The following PHF21A variants were observed in gnomAD, a reference collection of about 807,000 sequenced individuals.
The protein encoded by PHF21A is PHD finger protein 21A.
A neutral mutation model predicts 82.5 loss-of-function variants in PHF21A; 11 were observed. The ratio of observed to expected loss-of-function variants is 0.13; its 90% confidence interval spans 0.08 to 0.22. PHF21A has a LOEUF of 0.22. Ranked by LOEUF, PHF21A falls within the 10% of genes least tolerant of loss-of-function variation. PHF21A has a pLI of 1.00. For missense variants in PHF21A, 579 were observed against 837.8 expected, an observed-to-expected ratio of 0.69 and a Z score of 3.81; for synonymous variants, 297 against 302.8, an observed-to-expected ratio of 0.98 and a Z score of 0.20.
intron 6 of PHF21A, among the ~76,000 whole-genome samples, chr11:46,023,835 A>G (rs1037054523): frequency 6.6e-6 from 1 of 152,172 alleles, no homozygotes; most frequent in African/African-American, 2.4e-5. Flanking sequence ...GGGTGCCTAT[A>G]ATCCCAGCTA....
chr11:46,022,229 G>C (rs1443057534), intron 6 of PHF21A, among the ~76,000 whole-genome samples: 1 of 152,026 alleles, frequency 6.6e-6, no homozygotes, highest in African/African-American at 2.4e-5. Flanking sequence ...AAGGTGGGAG[G>C]ACCACTTGAG....
chr11:46,065,120 TCCC>T (rs2096579440), intron 6 of PHF21A, among the ~76,000 whole-genome samples: 1 of 152,176 alleles, frequency 6.6e-6, no homozygotes, highest in Admixed American at 6.5e-5. Context: ...CCCTTTCTCT[TCCC>T]TGATAACAAA....
chr11:45,952,633 T>G (rs894229559), intron 11 of PHF21A, among the ~76,000 whole-genome samples: 3 of 152,246 alleles, frequency 2.0e-5, no homozygotes. Context: ...AAAAATTCAT[T>G]CATTTCATAT....
At chr11:46,100,774 C>T (rs2135721710) in intron 1 of PHF21A, among the ~76,000 whole-genome samples, 1 of 152,240 alleles carries the variant, frequency 6.6e-6, no homozygotes, top group Admixed American at 6.5e-5. Flanking sequence ...CTACCATTAC[C>T]TTGTAGTGAC....
chr11:45,970,582 A>ATT (rs66611953), intron 8 of PHF21A: 353 of 149,278 alleles, frequency 2.4e-3, no homozygotes, highest in East Asian at 5.1e-3. Context: ...CCTTAAAGGG[A>ATT]TTTTTTTTTT....
At position 45,979,770 on chromosome 11, in the gene PHF21A, G is replaced by C. The variant is rs1335491565; in HGVS notation, c.350C>G (p.Thr117Ser). Residue 117 changes from threonine to serine, a missense_variant, in exon 7 of 19, where the codon ACT becomes AGT. Physicochemically the swap from Thr to Ser is moderately conservative, Grantham distance 58. This residue lies in a region of PHF21A where 410 missense variants were observed against 642.1 expected (regional missense o/e 0.64). Coordinates refer to ENST00000676320, the MANE Select transcript of PHF21A (RefSeq NM_001352027.3). ...CATCCACACATTTACCTGTGAAGCA[G>C]TCAGGTTGGGAGAGGCTGCAGCTGA... ...QQSAAASPNL[T>S]ASQKTVTTAS... The C allele has an allele frequency of 1.2e-6, 2 of 1,613,778 alleles. No individual in the cohort carries two copies. Among genetic ancestry groups the C allele is most frequent in the Non-Finnish European group, 1.7e-6 (2 of 1,180,042 alleles).
intron 6 of PHF21A, among the ~76,000 whole-genome samples, chr11:46,019,231 TA>T (rs993271470): frequency 1.3e-5 from 2 of 152,164 alleles, no homozygotes; most frequent in East Asian, 1.9e-4. Flanking sequence ...TTCTAGAAGA[TA>T]GGGGAAAAGA....
At chr11:46,038,126 CTCTT>C (rs1383078219) in intron 6 of PHF21A, among the ~76,000 whole-genome samples, 6 of 151,536 alleles carry the variant, frequency 4.0e-5, no homozygotes, top group South Asian at 4.2e-4. Flanking sequence ...CTCTCTCTCT[CTCTT>C]TTTTTTTTTA....
At chr11:45,965,953 C>T (rs977931273) in intron 9 of PHF21A, among the ~76,000 whole-genome samples, 4 of 152,168 alleles carry the variant, frequency 2.6e-5, no homozygotes, top group African/African-American at 4.8e-5. Context: ...CCTTAACTCG[C>T]ATTTGAAATT....
chr11:45,955,197 C>A (rs901485941), intron 10 of PHF21A, among the ~76,000 whole-genome samples: 4 of 152,040 alleles, frequency 2.6e-5, no homozygotes, highest in African/African-American at 9.7e-5. Context: ...GTACTTCATG[C>A]AGAGCGGGTG....
intron 6 of PHF21A, among the ~76,000 whole-genome samples, chr11:45,990,810 AC>A (rs1365562377): frequency 6.6e-6 from 1 of 151,544 alleles, no homozygotes; most frequent in Non-Finnish European, 1.5e-5. Flanking sequence ...TGGCCTCCCC[AC>A]CCCACATCTC....
chr11:45,934,301 G>A (rs892558907), intron 18 of PHF21A, 76 bp from the exon 19 acceptor site: 12 of 1,417,938 alleles, frequency 8.5e-6, no homozygotes, highest in East Asian at 2.3e-5. Context: ...AGAGCAGAGC[G>A]CCTTCTCTCT....
At chr11:46,017,772 C>T (rs1332474054) in intron 6 of PHF21A, among the ~76,000 whole-genome samples, 6 of 152,184 alleles carry the variant, frequency 3.9e-5, no homozygotes, top group Non-Finnish European at 5.9e-5. Context: ...AAAAACTAAT[C>T]TTTCCCCTAG....
chr11:46,116,962 G>T (rs1039557286), intron 1 of PHF21A: 1 of 152,150 alleles, frequency 6.6e-6, no homozygotes, highest in African/African-American at 2.4e-5. Flanking sequence ...GCGAGACTCC[G>T]TCTCAAAAAA....
intron 6 of PHF21A, among the ~76,000 whole-genome samples, chr11:46,054,464 T>G (rs1158272842): frequency 1.3e-5 from 2 of 152,190 alleles, no homozygotes; most frequent in African/African-American, 2.4e-5. Flanking sequence ...TACACATCTT[T>G]TTATGCCTGG....
intron 6 of PHF21A, among the ~76,000 whole-genome samples, chr11:46,054,210 A>T (rs2096414941): frequency 6.6e-6 from 1 of 152,204 alleles, no homozygotes; most frequent in African/African-American, 2.4e-5. Flanking sequence ...CATTTAAAAA[A>T]ATTTTTTTCT....
intron 6 of PHF21A, among the ~76,000 whole-genome samples, chr11:46,009,498 G>T (rs539770935): frequency 6.6e-6 from 1 of 152,236 alleles, no homozygotes; most frequent in South Asian, 2.1e-4. Flanking sequence ...AACGATAATA[G>T]CAGCTGCACA....
intron 6 of PHF21A, among the ~76,000 whole-genome samples, chr11:46,052,525 G>GA (rs909390078): frequency 1.0e-3 from 136 of 136,386 alleles, no homozygotes; most frequent in Middle Eastern, 3.8e-3. Context: ...ACTCTGAGAA[G>GA]AAAAAAAAAA....
intron 1 of PHF21A, among the ~76,000 whole-genome samples, chr11:46,105,741 T>C (rs1366137778): frequency 1.3e-5 from 2 of 152,150 alleles, no homozygotes; most frequent in African/African-American, 4.8e-5. Flanking sequence ...TTGTCCAAAT[T>C]TTACATTTAA....
Sources: allele counts gnomAD v4.1 joint callset (sites outside exome capture counted in the v4.1 genomes callset), GRCh38; gene constraint gnomAD v4.1.1; regional missense constraint gnomAD v4.1.1; transcripts MANE v1.5; gene names NCBI Gene and HGNC (gene_info 2026-07-23, HGNC 2026-07-21).